The following PCNX1 variants were observed in gnomAD, a reference collection of about 807,000 sequenced individuals.
PCNX1 encodes pecanex-like protein 1.
Under a neutral mutation model 242.2 loss-of-function variants are expected in PCNX1, and 78 were observed. That is an observed-to-expected ratio of 0.32 (90% CI 0.27 to 0.39). PCNX1 has a LOEUF of 0.39. Ranked by LOEUF, PCNX1 falls within the 10% of genes least tolerant of loss-of-function variation. The pLI, the probability that PCNX1 is intolerant of heterozygous loss-of-function variation, is 1.00. For missense variants in PCNX1, 2,581 were observed against 2,856.5 expected (o/e 0.90, Z 2.20); for synonymous variants, 1,024 against 1,032.9 (o/e 0.99, Z 0.17).
At chr14:70,943,125 C>T (rs1037253334) in intron 1 of PCNX1, among the ~76,000 whole-genome samples, 8 of 152,172 alleles carry the variant, frequency 5.3e-5, no homozygotes, top group African/African-American at 1.7e-4. Context: ...GGTATTTCTT[C>T]ATAGCAGCAT....
rs1467504802 is a variant in PCNX1, at chr14:71,015,345, CTG to C, written c.2996+2145_2996+2146del. ...TTAATTAAATCTCTTTAAGAGGTAACTGTTTAAATGAAAATAACAGTGCTTCG... is the reference window on the plus strand; with the variant it reads ...TTAATTAAATCTCTTTAAGAGGTAACTTTAAATGAAAATAACAGTGCTTCG... On this transcript the variant is annotated intron_variant, in intron 11 of 35. Transcript: ENST00000304743. 5.9e-5 allele frequency among the ~76,000 whole-genome samples: 9 copies of C among 152,232 alleles called. 1 individual carries two copies. The South Asian group carries it at 1.2e-3, about 21-fold the overall frequency.
Position 70,978,604 on chromosome 14 carries a change from A to G in PCNX1, c.2267A>G (p.Gln756Arg), listed in dbSNP as rs1200850732. The G allele has an allele frequency of 1.2e-6, 2 of 1,613,834 alleles. No individual in the cohort carries two copies. The highest frequency in any genetic ancestry group is 1.7e-5 in the Admixed American group (1 of 59,988). ...VTRSRNSLPN[Q>R]VAFPEGEEQD... is the part of the protein sequence containing the mutation. Reference sequence around the variant, plus strand: ...CGATCTAGGAATAGCTTGCCAAACCAGGTTGCATTTCCTGAAGGGGAAGAG... The same window carrying G: ...CGATCTAGGAATAGCTTGCCAAACCGGGTTGCATTTCCTGAAGGGGAAGAG... Residue 756 changes from glutamine to arginine, a missense_variant, in exon 6 of 36, where the codon CAG becomes CGG. By Grantham distance (43) the Gln-to-Arg change is conservative. Transcript: ENST00000304743.
chr14:71,009,425 T>C (rs1481812861), intron 8 of PCNX1, among the ~76,000 whole-genome samples: 1 of 152,224 alleles, frequency 6.6e-6, no homozygotes, highest in Non-Finnish European at 1.5e-5. Context: ...AATACCTGAT[T>C]ATGTATGTTG....
chr14:71,015,147 G>GA (rs1430529808), intron 11 of PCNX1, among the ~76,000 whole-genome samples: 1 of 152,014 alleles, frequency 6.6e-6, no homozygotes, highest in Non-Finnish European at 1.5e-5. Context: ...CTTCAGATCA[G>GA]AAAAAAATGG....
At chr14:71,082,158 T>C (rs1438421547) in intron 28 of PCNX1, among the ~76,000 whole-genome samples, 1 of 152,204 alleles carries the variant, frequency 6.6e-6, no homozygotes, top group South Asian at 2.1e-4. Context: ...TTCCGTGTTG[T>C]TGTGCGGTTT....
At chr14:71,037,828 A>G (rs2060586402) in intron 19 of PCNX1, among the ~76,000 whole-genome samples, 1 of 148,566 alleles carries the variant, frequency 6.7e-6, no homozygotes, top group Non-Finnish European at 1.5e-5. Context: ...AAACTATACT[A>G]CAAGGCTACA....
At chr14:71,068,301 A>G (rs2061497065) in intron 26 of PCNX1, among the ~76,000 whole-genome samples, 1 of 151,912 alleles carries the variant, frequency 6.6e-6, no homozygotes, top group Non-Finnish European at 1.5e-5. Flanking sequence ...ACTGCACTCC[A>G]GCTTGGGTGA....
At chr14:71,107,419 T>C (rs1437141355) in intron 33 of PCNX1, among the ~76,000 whole-genome samples, 2 of 152,152 alleles carry the variant, frequency 1.3e-5, no homozygotes, top group Non-Finnish European at 2.9e-5. Context: ...AAAGACATAA[T>C]GAATAATTAA....
intron 7 of PCNX1, among the ~76,000 whole-genome samples, chr14:70,991,203 C>CT (rs1393062718): frequency 0.1 from 13,014 of 124,300 alleles, 856 homozygotes; most frequent in Admixed American, 0.18. Flanking sequence ...TGTGTACTAC[C>CT]TTTTTTTTTT....
chr14:70,993,268 C>T (rs1327420246), intron 7 of PCNX1, among the ~76,000 whole-genome samples: 10 of 151,546 alleles, frequency 6.6e-5, no homozygotes. Context: ...TTACAGGCGC[C>T]CGCCACCATG....
intron 6 of PCNX1, among the ~76,000 whole-genome samples, chr14:70,987,269 T>C (rs534515392): frequency 2.0e-5 from 3 of 152,228 alleles, no homozygotes; most frequent in Non-Finnish European, 2.9e-5. Flanking sequence ...AAATGTTCTA[T>C]ATCTGCACTG....
At chr14:71,021,851 T>G (rs1388880688) in intron 12 of PCNX1, among the ~76,000 whole-genome samples, 1 of 152,186 alleles carries the variant, frequency 6.6e-6, no homozygotes, top group Non-Finnish European at 1.5e-5. Context: ...TTCTTTCAAC[T>G]GCTTAATTTA....
chr14:70,958,326 G>A (rs1447036207), intron 2 of PCNX1, among the ~76,000 whole-genome samples: 2 of 152,152 alleles, frequency 1.3e-5, no homozygotes, highest in African/African-American at 4.8e-5. Context: ...TTATAATTAT[G>A]AGATAATTGA....
chr14:70,965,184 T>C (rs978837816), intron 3 of PCNX1, among the ~76,000 whole-genome samples: 38 of 152,168 alleles, frequency 2.5e-4, no homozygotes, highest in African/African-American at 8.9e-4. Flanking sequence ...TTCCATTCTT[T>C]CTTTTCATTC....
At chr14:71,074,507 C>G (rs1301847587) in intron 27 of PCNX1, among the ~76,000 whole-genome samples, 1 of 152,236 alleles carries the variant, frequency 6.6e-6, no homozygotes, top group African/African-American at 2.4e-5. Flanking sequence ...GACACCGAAT[C>G]AAGGAGCTTC....
chr14:71,067,546 A>C (rs1245316127), intron 26 of PCNX1, among the ~76,000 whole-genome samples: 1 of 152,016 alleles, frequency 6.6e-6, no homozygotes, highest in Non-Finnish European at 1.5e-5. Flanking sequence ...TGATCTTTTC[A>C]AAAAACCAGC....
intron 8 of PCNX1, among the ~76,000 whole-genome samples, chr14:71,006,508 A>G (rs1258046620): frequency 6.6e-6 from 1 of 152,136 alleles, no homozygotes; most frequent in Non-Finnish European, 1.5e-5. Context: ...TGTGAGAAGG[A>G]CATATTTCTT....
intron 5 of PCNX1, among the ~76,000 whole-genome samples, chr14:70,975,809 C>A (rs7160958): frequency 0.52 from 77,901 of 150,920 alleles, 20,623 homozygotes; most frequent in East Asian, 0.74. Context: ...ATTTGTATAT[C>A]TAGTATGTAT....
chr14:70,987,647 TTTTG>T (rs1318417691), intron 6 of PCNX1, among the ~76,000 whole-genome samples: 1 of 152,194 alleles, frequency 6.6e-6, no homozygotes, highest in Non-Finnish European at 1.5e-5. Flanking sequence ...CACACAGTTG[TTTTG>T]TTTTATATTT....
Sources: allele counts gnomAD v4.1 joint callset (sites outside exome capture counted in the v4.1 genomes callset), GRCh38; gene constraint gnomAD v4.1.1; transcripts MANE v1.5; gene names NCBI Gene and HGNC (gene_info 2026-07-23, HGNC 2026-07-21).